The following KIRREL2 variants were observed in gnomAD, a reference collection of about 807,000 sequenced individuals.
KIRREL2 encodes kirre like nephrin family adhesion molecule 2, also known as kin of IRRE-like protein 2.
Under a neutral mutation model 73.4 loss-of-function variants are expected in KIRREL2, and 56 were observed. The ratio of observed to expected loss-of-function variants is 0.76; its 90% CI spans 0.62 to 0.95. The LOEUF (loss-of-function observed/expected upper bound fraction) is 0.95. Ranked by LOEUF, KIRREL2 falls within the 40% of genes least tolerant of loss-of-function variation. The pLI is 0.00. For missense variants in KIRREL2, 896 were observed against 935.0 expected (o/e 0.96, Z 0.54); for synonymous variants, 407 against 404.0 (o/e 1.01, Z -0.09).
In KIRREL2 at chr19:35,861,933, G is replaced by C. The variant is rs1046439525; in HGVS notation, c.1419G>C (p.Gly473=). ...PGLISVLHIS[G]TQESDFSRSF... is the part of the protein sequence containing the mutation. ...TGATCTCTGTGCTACACATTTCGGGGACCCAGGAGTCTGACTTTAGCAGGA... is the reference window on the plus strand; with the variant it reads ...TGATCTCTGTGCTACACATTTCGGGCACCCAGGAGTCTGACTTTAGCAGGA... Residue 473 remains glycine, a synonymous_variant, in exon 11 of 15, where the codon GGG becomes GGC. Coordinates refer to ENST00000360202, the MANE Select transcript of KIRREL2 (RefSeq NM_199180.4). 4 of 1,612,756 alleles carry C rather than the reference G, an allele frequency of 2.5e-6. No individual in the cohort carries two copies. Among genetic ancestry groups the C allele is most frequent in the African/African-American group, 1.3e-5 (1 of 74,886 alleles).
chr19:35,859,664 T>A, intron 5 of KIRREL2, 33 bp downstream of exon 5: 1 of 1,610,104 alleles, frequency 6.2e-7, no homozygotes. Context: ...AAGAGGGGTG[T>A]GGGGCCCTGA....
rs758735993 is a variant in KIRREL2 at position 35,862,531 on chromosome 19, G to T, written c.1549G>T (p.Ala517Ser). Reference protein sequence around the residue: ...PTVRIVAGVAAATTTLLMVIT... With the variant: ...PTVRIVAGVASATTTLLMVIT... ...TGTGCGGATAGTGGCCGGAGTGGCC[G>T]CTGCCACCACAACTCTCCTTATGGT... is the stretch of plus-strand genomic sequence containing the variant. The change falls in exon 12 of 15, where the codon GCT becomes TCT. Residue 517 changes from alanine to serine, a missense_variant. Physicochemically the swap from Ala to Ser is moderately conservative, Grantham distance 99. Coordinates refer to ENST00000360202, the MANE Select transcript of KIRREL2 (RefSeq NM_199180.4). 4 of 1,610,386 alleles carry T rather than the reference G, an allele frequency of 2.5e-6. No homozygotes were observed. The Admixed American group carries it at 6.7e-5, about 27-fold the overall frequency.
intron 4 of KIRREL2, among the ~76,000 whole-genome samples, 180 bp from the exon 5 acceptor site, chr19:35,859,301 A>T (rs1973561619): frequency 6.6e-6 from 1 of 152,228 alleles, no homozygotes; most frequent in Admixed American, 6.5e-5. Context: ...GCCCACCACA[A>T]ATTCATAAAC....
At chr19:35,862,655 T>C (rs572887475) in intron 12 of KIRREL2, 58 bp downstream of exon 12, 10 of 1,315,840 alleles carry the variant, frequency 7.6e-6, no homozygotes, top group South Asian at 4.7e-5. Flanking sequence ...GCGCCCTGCC[T>C]GCCCAGTGAC....
At chr19:35,861,074 C>A in intron 8 of KIRREL2, 38 bp downstream of exon 8, 3 of 1,606,394 alleles carry the variant, frequency 1.9e-6, no homozygotes, top group Non-Finnish European at 2.6e-6. Flanking sequence ...TGGAGGGGGA[C>A]CAGGCTTCCT....
chr19:35,855,656 TACACACAC>T (rs57458964), upstream of KIRREL2, among the ~76,000 whole-genome samples: 4,048 of 84,884 alleles, frequency 0.048, 164 homozygotes, highest in East Asian at 0.13. Context: ...CACCTCCCCA[TACACACAC>T]ACACACACAC....
intron 14 of KIRREL2, 88 bp downstream of exon 14, chr19:35,864,801 C>A: frequency 1.9e-6 from 2 of 1,031,362 alleles, no homozygotes; most frequent in East Asian, 2.5e-5. Flanking sequence ...CCACGCCTGT[C>A]CCCTCCTTTT....
chr19:35,866,410 C>G lies in KIRREL2; in HGVS notation c.2045C>G (p.Pro682Arg), dbSNP rs758034340. The change falls in exon 15 of 15, where the codon CCA (proline) becomes CGA (arginine). Residue 682 changes from proline to arginine, a missense_variant. Physicochemically the swap from Pro to Arg is moderately radical, Grantham distance 103. Transcript: ENST00000360202. Reference protein sequence around the residue: ...SYIKPTSFGPPDLAPGTPPFP... With the variant: ...SYIKPTSFGPRDLAPGTPPFP... Reference sequence around the variant, plus strand: ...ATCAAACCCACATCCTTTGGGCCCCCAGATCTGGCCCCCGGGACTCCCCCC... The same window carrying G: ...ATCAAACCCACATCCTTTGGGCCCCGAGATCTGGCCCCCGGGACTCCCCCC... 6 of 1,612,458 alleles carry G rather than the reference C, an allele frequency of 3.7e-6. No individual in the cohort carries two copies. In the African/African-American group the frequency reaches 8.0e-5, roughly 22 times the overall value.
In KIRREL2 at chr19:35,860,606, G is replaced by C; in HGVS notation, c.867G>C (p.Val289=). Residue 289 remains valine, a synonymous_variant, in exon 7 of 15, where the codon GTG becomes GTC. Transcript: ENST00000360202. ...ACGCCTCGTTCCTGACTGAGCCCGT[G>C]TCCTGCGAGGTCAGCAACGCCGTGG... is the stretch of plus-strand genomic sequence containing the variant. ...VADASFLTEP[V]SCEVSNAVGS... 1 of 1,603,770 alleles carries C rather than the reference G, an allele frequency of 6.2e-7. No homozygotes were observed. Among genetic ancestry groups the C allele is most frequent in the Non-Finnish European group, 8.5e-7 (1 of 1,179,966 alleles).
In KIRREL2 at chr19:35,861,978, G is replaced by A. The variant is rs34201832; in HGVS notation, c.1464G>A (p.Arg488=). Residue 488 remains arginine, a synonymous_variant, in exon 11 of 15, where the codon CGG becomes CGA. Coordinates refer to ENST00000360202, the MANE Select transcript of KIRREL2 (RefSeq NM_199180.4). The part of the protein sequence containing the change: ...DFSRSFNCSA[R]NRLGEGGAQA... Reference sequence around the variant, plus strand: ...GCAGGAGCTTTAACTGCAGTGCCCGGAACCGGCTGGGCGAGGGAGGTGCCC... The same window carrying A: ...GCAGGAGCTTTAACTGCAGTGCCCGAAACCGGCTGGGCGAGGGAGGTGCCC... 1,350 of 1,612,928 alleles carry A rather than the reference G, an allele frequency of 8.4e-4. 11 individuals are homozygous for A. The African/African-American group carries it at 0.016, about 19-fold the overall frequency.
chr19:35,866,471 G>C lies in KIRREL2; in HGVS notation c.2106G>C (p.Pro702=). 1 of 1,609,378 alleles carries C rather than the reference G, an allele frequency of 6.2e-7. No homozygotes were observed. Residue 702 remains proline (P), a synonymous_variant, in exon 15 of 15, where the codon CCG becomes CCC. Coordinates refer to ENST00000360202, the MANE Select transcript of KIRREL2 (RefSeq NM_199180.4). ...PYAAFPTPSH[P]RLQTHV is the part of the protein sequence containing the mutation. ...CTGCCTTCCCCACACCTAGCCACCC[G>C]CGTCTCCAGACTCACGTGTGACATC...
At chr19:35,860,029 A>T (rs1393881142) in intron 5 of KIRREL2, among the ~76,000 whole-genome samples, 1 of 152,154 alleles carries the variant, frequency 6.6e-6, no homozygotes, top group African/African-American at 2.4e-5. Flanking sequence ...TGAGACTCCG[A>T]GCAGGAGAGG....
At chr19:35,866,107 A>T in intron 14 of KIRREL2, 50 bp from the exon 15 acceptor site, 1 of 1,560,870 alleles carries the variant, frequency 6.4e-7, no homozygotes, top group Non-Finnish European at 8.6e-7. Flanking sequence ...AGTGACCCTC[A>T]TCCCCCCTGC....
At position 35,864,677 on chromosome 19, in the gene KIRREL2, T is replaced by A. The variant is rs571728523; in HGVS notation, c.1755T>A (p.Asp585Glu). The A allele has an allele frequency of 3.7e-5, 59 of 1,613,144 alleles. No individual in the cohort carries two copies. In the East Asian group the frequency reaches 1.2e-3, roughly 32 times the overall value. The change falls in exon 14 of 15, where the codon GAT becomes GAA. Residue 585 changes from aspartate to glutamate, a missense_variant. Asp to Glu is a conservative substitution (Grantham distance 45). Coordinates refer to ENST00000360202, the MANE Select transcript of KIRREL2 (RefSeq NM_199180.4). ...RGPIVHTDHS[D>E]LVLEEEGTLE... ...CCATTGTGCACACTGACCACAGTGA[T>A]CTGGTTCTGGAGGAGGAAGGGACTC...
intron 7 of KIRREL2, 31 bp downstream of exon 7, chr19:35,860,698 A>G: frequency 6.3e-7 from 1 of 1,599,188 alleles, no homozygotes; most frequent in South Asian, 1.1e-5. Flanking sequence ...GGGTGTGGTC[A>G]AAGGTGGCCG....
In KIRREL2 at chr19:35,862,438, C is replaced by T. The variant is rs930081135; in HGVS notation, c.1511-55C>T. 1.7e-4 allele frequency: 228 copies of T among 1,316,770 alleles called. No individual in the cohort carries two copies. In the Middle Eastern group the frequency reaches 2.0e-3, roughly 11 times the overall value. 81.6% of individuals were successfully genotyped at this position (1,316,770 alleles called of 1,614,324 possible). A position where few individuals can be genotyped will look rare whatever the true frequency, so the allele number is the denominator to read the frequency against. ...GAATCCCAAACTCAATCCCTGAGCC[C>T]CCGCTTCCTGGTTCCCCCTCAGCCT... On this transcript the variant is annotated intron_variant, in intron 11 of 14. Coordinates refer to ENST00000360202, the MANE Select transcript of KIRREL2 (RefSeq NM_199180.4).
chr19:35,857,604 G>A lies in KIRREL2; in HGVS notation c.211+110G>A. On this transcript the variant is annotated intron_variant, in intron 2 of 14. Coordinates refer to ENST00000360202, the MANE Select transcript of KIRREL2 (RefSeq NM_199180.4). Reference sequence around the variant, plus strand: ...ATTTTCAAGTTTGGGAAATTGATGGGCTCGGGTAAACATTTAGGAGTCCTG... The same window carrying A: ...ATTTTCAAGTTTGGGAAATTGATGGACTCGGGTAAACATTTAGGAGTCCTG... The A allele has an allele frequency of 6.0e-6, 7 of 1,174,022 alleles. No individual in the cohort carries two copies. The Admixed American group carries it at 1.4e-4, about 23-fold the overall frequency. The allele number at this position is 1,174,022 out of a possible 1,614,324, so 72.7% of individuals were successfully genotyped here. A position where few individuals can be genotyped will look rare whatever the true frequency, so the allele number is the denominator to read the frequency against.
upstream of KIRREL2, among the ~76,000 whole-genome samples, chr19:35,856,301 G>A (rs528463184): frequency 6.6e-6 from 1 of 152,358 alleles, no homozygotes; most frequent in South Asian, 2.1e-4. This position sits in a 1 kb window ranked among gnomAD's most constrained non-coding sequence, Gnocchi z 5.9. Flanking sequence ...GCCGAGTGGG[G>A]AGAGGGGTTG....
chr19:35,861,778 C>T (rs768142894), intron 10 of KIRREL2, 27 bp from the exon 11 acceptor site: 5 of 1,588,280 alleles, frequency 3.1e-6, no homozygotes, highest in Non-Finnish European at 4.3e-6. Flanking sequence ...CAGTCTCCTC[C>T]GTGTCCTCCC....
Sources: allele counts gnomAD v4.1 joint callset (sites outside exome capture counted in the v4.1 genomes callset), GRCh38; gene constraint gnomAD v4.1.1; non-coding constraint Gnocchi (gnomAD v3.1); transcripts MANE v1.5; gene names NCBI Gene and HGNC (gene_info 2026-07-23, HGNC 2026-07-21).